Variants in CD46 observed in about 807,000 individuals in gnomAD.
CD46 encodes membrane cofactor protein.
A neutral mutation model predicts 53.3 loss-of-function variants in CD46; 30 were observed. The observed-to-expected ratio is 0.56, with a 90% CI of 0.42 to 0.76. CD46 has a LOEUF of 0.76. Among genes scored for constraint, CD46 ranks in the 30% least tolerant of loss-of-function variants. The probability of loss-of-function intolerance (pLI) is 0.00; values close to 1 mark genes in which losing one functional copy is unlikely to be tolerated. For synonymous variants in CD46, 142 were observed against 152.0 expected, an observed-to-expected ratio of 0.93 and a Z score of 0.48; for missense variants, 409 against 463.0, an observed-to-expected ratio of 0.88 and a Z score of 1.07.
At chr1:207,785,724 A>T in intron 11 of CD46, 42 bp downstream of exon 11, 1 of 1,255,220 alleles carries the variant, frequency 8.0e-7, no homozygotes, top group South Asian at 1.2e-5. Context: ...GGTCCTTCTT[A>T]TACTTAACAT....
rs539619586 is a variant in CD46 at position 207,759,175 on chromosome 1, C to T, written c.390-464C>T. Among the ~76,000 whole-genome samples, 2 of 152,288 alleles carry T rather than the reference C, an allele frequency of 1.3e-5. 1 individual carries two copies. Among genetic ancestry groups the T allele is most frequent in the African/African-American group, 4.8e-5 (2 of 41,546 alleles). ...CCTAAACAACCCCATGTACTGTTAT[C>T]CCCTTTTAATCAATTAGGAAGCTGA... On this transcript the variant is annotated intron_variant, in intron 3 of 12. Coordinates refer to ENST00000367042, the MANE Select transcript of CD46 (RefSeq NM_172351.3).
Position 207,752,122 on chromosome 1 carries a change from A to C in CD46, c.-91A>C. ...TGTGAGTTGGGGATTGTTGCGTCCC[A>C]TATCTGGACCCAGAAGGGACTTCCC... On this transcript the variant is annotated 5_prime_UTR_variant, in exon 1 of 13. Transcript: ENST00000367042. The surrounding 1 kb of genome is among the most constrained non-coding windows in gnomAD (Gnocchi z 4.1). 8.5e-7 allele frequency: 1 copy of C among 1,182,596 alleles called. No individual in the cohort carries two copies. Among genetic ancestry groups the C allele is most frequent in the Non-Finnish European group, 1.3e-6 (1 of 796,934 alleles). The allele number at this position is 1,182,596 out of a possible 1,614,324, so 73.3% of individuals were successfully genotyped here.
chr1:207,784,045 G>A (rs1053682191), intron 9 of CD46, among the ~76,000 whole-genome samples: 5 of 152,286 alleles, frequency 3.3e-5, no homozygotes, highest in Admixed American at 2.0e-4. Flanking sequence ...TCTCTAGATA[G>A]TCAAAAATGT....
intron 11 of CD46, among the ~76,000 whole-genome samples, chr1:207,786,243 C>T (rs1659259242): frequency 6.6e-6 from 1 of 152,120 alleles, no homozygotes; most frequent in Non-Finnish European, 1.5e-5. Flanking sequence ...CGATTTCCCT[C>T]TTATGTTCTC....
chr1:207,790,121 T>A (rs1659663687), intron 11 of CD46, 132 bp from the exon 12 acceptor site: 1 of 688,434 alleles, frequency 1.5e-6, no homozygotes, highest in South Asian at 1.6e-5. Flanking sequence ...GAGAAAGTCT[T>A]AAGTTATGAA....
At position 207,752,282 on chromosome 1, in the gene CD46, A is replaced by T. The variant is rs750342865; in HGVS notation, c.70A>T (p.Met24Leu). 3 of 1,614,006 alleles carry T rather than the reference A, an allele frequency of 1.9e-6. No individual in the cohort carries two copies. In the Admixed American group the frequency reaches 5.0e-5, roughly 27 times the overall value. The change falls in exon 1 of 13, where the codon ATG becomes TTG. Residue 24 changes from methionine (M) to leucine (L), a missense_variant. Met to Leu is a conservative substitution (Grantham distance 15, BLOSUM62 2). Coordinates refer to ENST00000367042, the MANE Select transcript of CD46 (RefSeq NM_172351.3). This position sits in a 1 kb window ranked among gnomAD's most constrained non-coding sequence, Gnocchi z 4.1. ...CTTTCCTGGGTTGCTTCTGGCGGCC[A>T]TGGTGTTGCTGCTGTACTCCTTCTC... ...WRFPGLLLAA[M>L]VLLLYSFSDA...
intron 8 of CD46, among the ~76,000 whole-genome samples, chr1:207,773,312 G>A (rs556877330): frequency 2.4e-4 from 36 of 151,998 alleles, no homozygotes; most frequent in Non-Finnish European, 3.2e-4. Context: ...AGTCTTGCTA[G>A]CGGTCATTTT....
intron 1 of CD46, among the ~76,000 whole-genome samples, chr1:207,754,026 A>G (rs1293471525): frequency 6.6e-6 from 1 of 152,218 alleles, no homozygotes; most frequent in South Asian, 2.1e-4. Context: ...TTGCTCAATG[A>G]TAAGTGCTCA....
chr1:207,757,863 A>G (rs1294105312), intron 3 of CD46, among the ~76,000 whole-genome samples: 2 of 152,256 alleles, frequency 1.3e-5, no homozygotes, highest in East Asian at 1.9e-4. Context: ...GTTTCTGACA[A>G]TAAGTCTGTT....
Position 207,752,146 on chromosome 1 carries a change from C to A in CD46, c.-67C>A. Reference sequence around the variant, plus strand: ...CATATCTGGACCCAGAAGGGACTTCCCTGCTCGGCTGGCTCTCGGTTTCTC... The same window carrying A: ...CATATCTGGACCCAGAAGGGACTTCACTGCTCGGCTGGCTCTCGGTTTCTC... On this transcript the variant is annotated 5_prime_UTR_variant, in exon 1 of 13. Transcript: ENST00000367042. The surrounding 1 kb of genome is among the most constrained non-coding windows in gnomAD (Gnocchi z 4.1). 6.9e-7 allele frequency: 1 copy of A among 1,443,780 alleles called. No individual in the cohort carries two copies. Among genetic ancestry groups the A allele is most frequent in the Non-Finnish European group, 9.7e-7 (1 of 1,031,502 alleles). The allele number at this position is 1,443,780 out of a possible 1,614,324, so 89.4% of individuals were successfully genotyped here.
In CD46 at chr1:207,787,098, G is replaced by A. The variant is rs1008069126; in HGVS notation, c.1082+1416G>A. Reference sequence around the variant, plus strand: ...TTGTTTTTTGCTTTTTTGTGATGGAGTCTTGCTCTGTCACCCAGGCTGGAG... The same window carrying A: ...TTGTTTTTTGCTTTTTTGTGATGGAATCTTGCTCTGTCACCCAGGCTGGAG... On this transcript the variant is annotated intron_variant, in intron 11 of 12. Coordinates refer to ENST00000367042, the MANE Select transcript of CD46 (RefSeq NM_172351.3). 3.3e-5 allele frequency among the ~76,000 whole-genome samples: 5 copies of A among 152,232 alleles called. No individual in the cohort carries two copies. The East Asian group carries it at 5.8e-4, about 18-fold the overall frequency.
At chr1:207,779,623 C>T (rs1289714804) in intron 8 of CD46, among the ~76,000 whole-genome samples, 2 of 152,100 alleles carry the variant, frequency 1.3e-5, no homozygotes, top group East Asian at 3.9e-4. Context: ...CTTCTGTATG[C>T]TGAAATTGTA....
chr1:207,782,316 A>G (rs1001197951), intron 8 of CD46, among the ~76,000 whole-genome samples: 1 of 152,112 alleles, frequency 6.6e-6, no homozygotes, highest in Non-Finnish European at 1.5e-5. Flanking sequence ...AGATTTTTGC[A>G]TGTGTGTGTA....
chr1:207,780,670 G>C (rs181603871), intron 8 of CD46, among the ~76,000 whole-genome samples: 1 of 152,194 alleles, frequency 6.6e-6, no homozygotes, highest in Admixed American at 6.5e-5. Flanking sequence ...ATTCCCACCA[G>C]CAGTGGGAAC....
chr1:207,759,519 AGAAACCAC>A (rs1655947081), intron 3 of CD46, 112 bp from the exon 4 acceptor site: 1 of 646,672 alleles, frequency 1.5e-6, no homozygotes, highest in Admixed American at 2.8e-5. Flanking sequence ...ATGTTGTTTA[AGAAACCAC>A]CCCCTCAAAC....
In CD46 at chr1:207,757,171, A is replaced by G. The variant is rs201520567; in HGVS notation, c.255A>G (p.Thr85=). 3.4e-5 allele frequency: 55 copies of G among 1,613,744 alleles called. No individual in the cohort carries two copies. Among genetic ancestry groups the G allele is most frequent in the Middle Eastern group, 1.6e-4 (1 of 6,084 alleles). ...ATHTICDRNH[T]WLPVSDDACY... ...ATACTATTTGTGATCGGAATCATAC[A>G]TGGCTACCTGTCTCAGATGACGCCT... Residue 85 remains threonine, a synonymous_variant, in exon 2 of 13, where the codon ACA becomes ACG. Coordinates refer to ENST00000367042, the MANE Select transcript of CD46 (RefSeq NM_172351.3).
chr1:207,753,310 C>T (rs1243857319), intron 1 of CD46, among the ~76,000 whole-genome samples: 2 of 152,210 alleles, frequency 1.3e-5, no homozygotes, highest in East Asian at 1.9e-4. Context: ...AGCTCATAAG[C>T]TAAAGCTTAA....
chr1:207,768,164 G>T, intron 7 of CD46: 1 of 249,402 alleles, frequency 4.0e-6, no homozygotes, highest in South Asian at 5.3e-5. Context: ...ACAGTGCCTG[G>T]TGTAGAGAAA....
chr1:207,785,837 C>G (rs760726118), intron 11 of CD46, 155 bp downstream of exon 11: 4 of 619,120 alleles, frequency 6.5e-6, no homozygotes, highest in African/African-American at 1.9e-5. Flanking sequence ...CATTTCTTTG[C>G]TAAAAATATT....
Sources: gnomAD v4.1 joint callset for allele counts (sites outside exome capture counted in the v4.1 genomes callset) on GRCh38, gnomAD v4.1.1 for gene constraint, Gnocchi (gnomAD v3.1) non-coding constraint, MANE v1.5 for transcripts, NCBI Gene and HGNC (gene_info 2026-07-23, HGNC 2026-07-21) for gene names.